Variants in ARMCX4 observed in about 807,000 individuals in gnomAD.
The protein encoded by ARMCX4 is armadillo repeat-containing X-linked protein 4.
Under a neutral mutation model 34.7 loss-of-function variants are expected in ARMCX4, and 3 were observed. The observed-to-expected ratio is 0.09, with a 90% CI of 0.04 to 0.22. The LOEUF (loss-of-function observed/expected upper bound fraction) is 0.22. Among genes scored for constraint, ARMCX4 ranks in the 10% least tolerant of loss-of-function variants. The pLI, the probability that ARMCX4 is intolerant of heterozygous loss-of-function variation, is 1.00. For synonymous variants in ARMCX4, 513 were observed against 632.8 expected (o/e 0.81, Z 2.84); for missense variants, 1,448 against 1,720.8 (o/e 0.84, Z 2.81).
At position 101,493,899 on chromosome X, in the gene ARMCX4, A is replaced by C. The variant is rs782243490; in HGVS notation, c.5310A>C (p.Arg1770Ser). ...DDKDEATTAS[R>S]SGAGEEAMIC... ...AAGATGAGGCCACTACTGCATCCAG[A>C]TCAGGGGCTGGGGAAGAGGCCATGA... The change falls in exon 6 of 6, where the codon AGA becomes AGC. Residue 1770 changes from arginine to serine, a missense_variant. Around this residue, in one of 2 missense-constraint regions of ARMCX4, gnomAD observed 1,343 missense variants for 1,540.7 expected, o/e 0.87. Transcript: ENST00000423738. 1 of 1,151,851 alleles carries C rather than the reference A, an allele frequency of 8.7e-7. No individual in the cohort carries two copies. The highest frequency in any genetic ancestry group is 1.9e-5 in the South Asian group (1 of 52,506). 94.9% of individuals were successfully genotyped at this position (1,151,851 alleles called of 1,213,427 possible).
chrX:101,423,829 C>G (rs1473245708), intron 2 of ARMCX4, among the ~76,000 whole-genome samples: 1 of 109,870 alleles, frequency 9.1e-6, no homozygotes, highest in African/African-American at 3.3e-5. Context: ...TGTAATCAAT[C>G]ATGCCTACAT....
downstream of ARMCX4, among the ~76,000 whole-genome samples, chrX:101,451,069 T>C (rs1265441734): frequency 8.9e-6 from 1 of 111,780 alleles, no homozygotes; most frequent in African/African-American, 3.3e-5. Context: ...CCTCCCTGGC[T>C]TGTGTCTCAA....
intron 4 of ARMCX4, among the ~76,000 whole-genome samples, chrX:101,458,783 G>A (rs782469888): frequency 2.7e-4 from 30 of 111,781 alleles, no homozygotes; most frequent in African/African-American, 9.7e-4. Flanking sequence ...CACTGTGCCC[G>A]GCTCAATATC....
intron 2 of ARMCX4, among the ~76,000 whole-genome samples, chrX:101,429,525 G>A (rs781980495): frequency 3.0e-3 from 325 of 109,554 alleles, no homozygotes; most frequent in African/African-American, 9.3e-3. Flanking sequence ...TAGTAGAGAT[G>A]GGGTTTCACC....
intron 4 of ARMCX4, among the ~76,000 whole-genome samples, chrX:101,468,455 C>T (rs1180483735): frequency 1.8e-5 from 2 of 108,765 alleles, no homozygotes; most frequent in African/African-American, 6.7e-5. Context: ...CCATGCCTGA[C>T]TAATTTTTGT....
rs1164355405 is a variant in ARMCX4, at chrX:101,457,437, TA to T, written c.-473+11401del. 1.1e-3 allele frequency among the ~76,000 whole-genome samples: 126 copies of T among 111,014 alleles called. 1 individual carries two copies. The highest frequency in any genetic ancestry group is 3.9e-3 in the African/African-American group (120 of 30,569). On this transcript the variant is annotated intron_variant and NMD_transcript_variant, in intron 4 of 15. Transcript: ENST00000433011. ...TGTAATTCCTTCTTCATTTATTGGT[TA>T]AAAAAAATGGCCTTGGTGCAGTGGC... is the stretch of plus-strand genomic sequence containing the variant.
chrX:101,469,973 T>G (rs1762116330), intron 4 of ARMCX4, among the ~76,000 whole-genome samples: 1 of 112,328 alleles, frequency 8.9e-6, no homozygotes, highest in Non-Finnish European at 1.9e-5. Context: ...GCTGCAGAAC[T>G]GCCCCAGAGC....
chrX:101,504,887 G>A (rs1556014766), intron 7 of ARMCX4: 1 of 111,688 alleles, frequency 9.0e-6, no homozygotes, highest in East Asian at 2.8e-4. Flanking sequence ...CTGGAGTGAG[G>A]AATGAATGGG....
intron 11 of ARMCX4, among the ~76,000 whole-genome samples, chrX:101,528,262 G>A (rs1361285024): frequency 8.9e-6 from 1 of 111,733 alleles, no homozygotes; most frequent in Non-Finnish European, 1.9e-5. Flanking sequence ...ATGCAGAAAA[G>A]GCCTTCGATA....
downstream of ARMCX4, among the ~76,000 whole-genome samples, chrX:101,452,051 T>A (rs931912397): frequency 1.7e-4 from 19 of 112,208 alleles, 1 homozygote; most frequent in Admixed American, 9.5e-5. Flanking sequence ...ATACAATTGG[T>A]CAAGGTGGTC....
At chrX:101,424,772 T>A (rs1555990649) in intron 2 of ARMCX4, among the ~76,000 whole-genome samples, 1 of 111,714 alleles carries the variant, frequency 9.0e-6, no homozygotes, top group African/African-American at 3.3e-5. Context: ...AACTGGATGT[T>A]TGGAGTAACA....
intron 2 of ARMCX4, among the ~76,000 whole-genome samples, chrX:101,440,934 T>G (rs1248164024): frequency 1.8e-5 from 2 of 111,384 alleles, no homozygotes; most frequent in African/African-American, 6.5e-5. Context: ...GGTGAGGCGA[T>G]GCCTTGCCCT....
intron 4 of ARMCX4, among the ~76,000 whole-genome samples, chrX:101,458,611 C>A (rs554066846): frequency 9.2e-6 from 1 of 108,184 alleles, no homozygotes; most frequent in African/African-American, 3.4e-5. Context: ...CTCAGCCTCC[C>A]GAGTAGCTGT....
rs1934042590 is a variant in ARMCX4 at position 101,492,994 on chromosome X, G to T, written c.4405G>T (p.Val1469Phe). ...GCCAAAGCCTATATTTGAGGATCAG[G>T]TCAGTGGCAGAGGGTCCTGGGCTGA... is the stretch of plus-strand genomic sequence containing the variant. The part of the protein sequence containing the change: ...VGPKPIFEDQ[V>F]SGRGSWADAR... Residue 1469 changes from valine (V) to phenylalanine (F), a missense_variant, in exon 6 of 6, where the codon GTC (valine) becomes TTC (phenylalanine). Transcript: ENST00000423738. The T allele has an allele frequency of 1.7e-6, 2 of 1,154,249 alleles. No homozygotes were observed. Among genetic ancestry groups the T allele is most frequent in the Non-Finnish European group, 2.3e-6 (2 of 872,499 alleles).
chrX:101,534,619 C>T (rs1935189609), downstream of ARMCX4, among the ~76,000 whole-genome samples: 1 of 109,593 alleles, frequency 9.1e-6, no homozygotes, highest in African/African-American at 3.3e-5. Flanking sequence ...AAAGATGGCA[C>T]TTTATTTTTT....
At chrX:101,464,643 G>A (rs2147612861) in intron 4 of ARMCX4, among the ~76,000 whole-genome samples, 1 of 111,682 alleles carries the variant, frequency 9.0e-6, no homozygotes, top group Admixed American at 9.5e-5. Context: ...TTACTGCATT[G>A]CTTCCCCTTT....
chrX:101,479,304 CCACACACACACACACACA>C (rs34549014), intron 4 of ARMCX4, among the ~76,000 whole-genome samples: 93 of 78,192 alleles, frequency 1.2e-3, no homozygotes, highest in Admixed American at 2.9e-3. Flanking sequence ...ATAAAGAAAA[CCACACACACACACACACA>C]CACACACACA....
chrX:101,511,390 C>T (rs890400715), intron 11 of ARMCX4, among the ~76,000 whole-genome samples: 4 of 110,973 alleles, frequency 3.6e-5, no homozygotes, highest in Middle Eastern at 9.2e-3. Flanking sequence ...GAATTCTGCA[C>T]GTGTCTCATG....
intron 2 of ARMCX4, among the ~76,000 whole-genome samples, chrX:101,441,734 T>C (rs1241884716): frequency 6.3e-5 from 7 of 111,434 alleles, no homozygotes; most frequent in African/African-American, 2.0e-4. Flanking sequence ...CGTGAACTAG[T>C]TGGCAAGATC....
Sources: gnomAD v4.1 joint callset for allele counts (sites outside exome capture counted in the v4.1 genomes callset) on GRCh38, gnomAD v4.1.1 for gene constraint, gnomAD v4.1.1 regional missense constraint, MANE v1.5 for transcripts, NCBI Gene and HGNC (gene_info 2026-07-23, HGNC 2026-07-21) for gene names.